DPP10: variants seen among roughly 807,000 people sequenced by gnomAD.
The protein encoded by DPP10 is inactive dipeptidyl peptidase 10.
Under a neutral mutation model 120.9 loss-of-function variants are expected in DPP10, and 33 were observed. The ratio of observed to expected loss-of-function variants is 0.27; its 90% CI spans 0.21 to 0.37. The LOEUF is 0.37. Ranked by LOEUF, DPP10 falls within the 10% of genes least tolerant of loss-of-function variation. The probability of loss-of-function intolerance (pLI) is 1.00; values close to 1 mark genes in which losing one functional copy is unlikely to be tolerated. For synonymous variants in DPP10, 337 were observed against 326.1 expected (o/e 1.03, Z -0.36); for missense variants, 816 against 942.8 (o/e 0.87, Z 1.76).
At chr2:115,112,162 T>C (rs566276707) in intron 1 of DPP10, among the ~76,000 whole-genome samples, 1 of 152,288 alleles carries the variant, frequency 6.6e-6, no homozygotes, top group South Asian at 2.1e-4. Context: ...TCTTTTCACC[T>C]GGAACTCTTG....
intron 1 of DPP10, among the ~76,000 whole-genome samples, chr2:114,445,481 A>G (rs749966880): frequency 1.3e-5 from 2 of 151,918 alleles, no homozygotes; most frequent in Non-Finnish European, 2.9e-5. Context: ...AGTGAAATGC[A>G]TTGCTAAAAT....
rs192613826 is a variant in DPP10 at position 115,223,773 on chromosome 2, C to T, written c.61-85466C>T. Among the ~76,000 whole-genome samples, 471 of 152,058 alleles carry T rather than the reference C, an allele frequency of 3.1e-3. 1 individual carries two copies. Among genetic ancestry groups the T allele is most frequent in the African/African-American group, 0.011 (450 of 41,476 alleles). On this transcript the variant is annotated intron_variant, in intron 1 of 25. Transcript: ENST00000410059. ...CTGAAGGGGAAAGTTGGAATCTTTT[C>T]GAAGAAAATGATTAATAGCATGCAC...
intron 1 of DPP10, among the ~76,000 whole-genome samples, chr2:114,459,298 C>T (rs545873694): frequency 6.6e-6 from 1 of 152,170 alleles, no homozygotes; most frequent in Admixed American, 6.5e-5. Flanking sequence ...TGATCTGGCT[C>T]TTATGCCAGG....
intron 1 of DPP10, among the ~76,000 whole-genome samples, chr2:114,701,897 A>C (rs1700404581): frequency 6.6e-6 from 1 of 152,168 alleles, no homozygotes; most frequent in South Asian, 2.1e-4. Flanking sequence ...TGAAAAATTT[A>C]AATAACAAAT....
chr2:114,872,159 G>A (rs1266109856), intron 1 of DPP10, among the ~76,000 whole-genome samples: 1 of 152,176 alleles, frequency 6.6e-6, no homozygotes, highest in East Asian at 1.9e-4. Flanking sequence ...ATTTATAAAG[G>A]AAAGAGGTTT....
intron 11 of DPP10, among the ~76,000 whole-genome samples, chr2:115,759,964 A>G (rs996606809): frequency 1.6e-4 from 24 of 152,140 alleles, no homozygotes; most frequent in African/African-American, 5.5e-4. Flanking sequence ...AGCCAAGATC[A>G]TTCCATTTCA....
chr2:115,249,454 C>T (rs758842174), intron 1 of DPP10, among the ~76,000 whole-genome samples: 3 of 151,972 alleles, frequency 2.0e-5, no homozygotes, highest in Non-Finnish European at 4.4e-5. Flanking sequence ...AATGCATGGC[C>T]TCTTTTTATT....
chr2:115,275,337 C>T (rs2059868179), intron 1 of DPP10, among the ~76,000 whole-genome samples: 1 of 152,190 alleles, frequency 6.6e-6, no homozygotes, highest in Non-Finnish European at 1.5e-5. Flanking sequence ...ATATATAACA[C>T]ATGCACATAC....
rs969214503 is a variant in DPP10, at chr2:114,913,128, C to T, written c.61-396111C>T. ...TCAGCTGCCAAGCCAAGATGCTTAC[C>T]GGCAGCCATCACCATAGCTCTTTTC... On this transcript the variant is annotated intron_variant, in intron 1 of 25. Coordinates refer to ENST00000410059, the MANE Select transcript of DPP10 (RefSeq NM_020868.6). Among the ~76,000 whole-genome samples, 7 of 152,164 alleles carry T rather than the reference C, an allele frequency of 4.6e-5. No individual in the cohort carries two copies. The East Asian group carries it at 5.8e-4, about 13-fold the overall frequency.
chr2:114,739,263 T>C (rs1677782969), intron 1 of DPP10, among the ~76,000 whole-genome samples: 1 of 152,124 alleles, frequency 6.6e-6, no homozygotes, highest in Non-Finnish European at 1.5e-5. Flanking sequence ...TTTCCACCTA[T>C]CCATAAGCCC....
chr2:115,434,893 CT>C (rs2071345085), intron 3 of DPP10, among the ~76,000 whole-genome samples: 1 of 151,704 alleles, frequency 6.6e-6, no homozygotes, highest in Non-Finnish European at 1.5e-5. Flanking sequence ...ATGAAATCCA[CT>C]TTTTTAGCTT....
intron 1 of DPP10, among the ~76,000 whole-genome samples, chr2:114,775,060 C>A (rs567445543): frequency 2.0e-4 from 31 of 152,128 alleles, no homozygotes; most frequent in African/African-American, 7.5e-4. Flanking sequence ...TTGACCTCAG[C>A]CAATCTGGGT....
intron 1 of DPP10, among the ~76,000 whole-genome samples, chr2:114,672,547 A>T (rs970937820): frequency 6.6e-6 from 1 of 152,188 alleles, no homozygotes; most frequent in African/African-American, 2.4e-5. Context: ...GCTCCAGGAG[A>T]TAACAGATGA....
At chr2:115,334,230 G>GTTTTTTTTTTTTT in intron 2 of DPP10, among the ~76,000 whole-genome samples, 2,522 of 56,156 alleles carry the variant, frequency 0.045, 650 homozygotes, top group Non-Finnish European at 0.07. Flanking sequence ...AGCAGACTCT[G>GTTTTTTTTTTTTT]TTTTTTTTTT....
At chr2:114,894,425 T>A (rs895647748) in intron 1 of DPP10, among the ~76,000 whole-genome samples, 1 of 152,152 alleles carries the variant, frequency 6.6e-6, no homozygotes, top group African/African-American at 2.4e-5. Flanking sequence ...AACAAAGGAT[T>A]ATCTAAGGTT....
chr2:115,381,410 C>G (rs1367611014), intron 3 of DPP10, among the ~76,000 whole-genome samples: 3 of 152,192 alleles, frequency 2.0e-5, no homozygotes, highest in Admixed American at 2.0e-4. Context: ...CCATCAGCTC[C>G]TTTAAGCACT....
chr2:114,877,249 A>G (rs1475718245), intron 1 of DPP10, among the ~76,000 whole-genome samples: 1 of 152,108 alleles, frequency 6.6e-6, no homozygotes. Context: ...TTAAGAAAGA[A>G]GAAAAAGGAA....
At chr2:114,914,963 C>G (rs1471044645) in intron 1 of DPP10, among the ~76,000 whole-genome samples, 4 of 152,086 alleles carry the variant, frequency 2.6e-5, no homozygotes, top group Non-Finnish European at 4.4e-5. Flanking sequence ...AACCCCGTCT[C>G]TACTAAAAAT....
intron 1 of DPP10, among the ~76,000 whole-genome samples, chr2:115,196,051 A>G (rs1277855173): frequency 6.6e-6 from 1 of 152,234 alleles, no homozygotes; most frequent in Non-Finnish European, 1.5e-5. Context: ...AGTGTTGTTG[A>G]GGAAAAAGTA....
Sources: allele counts gnomAD v4.1 joint callset (sites outside exome capture counted in the v4.1 genomes callset), GRCh38; gene constraint gnomAD v4.1.1; transcripts MANE v1.5; gene names NCBI Gene and HGNC (gene_info 2026-07-23, HGNC 2026-07-21).